The following SEPTIN10 variants were observed in gnomAD, a reference collection of about 807,000 sequenced individuals.
SEPTIN10 encodes septin 10.
In SEPTIN10, 66 loss-of-function variants were observed where a neutral mutation model predicts 54.8. The ratio of observed to expected loss-of-function variants is 1.21; its 90% confidence interval spans 0.99 to 1.48. The LOEUF is 1.48. SEPTIN10 is among the 40% of genes most tolerant of loss of function. The probability of loss-of-function intolerance (pLI) is 0.00; values close to 1 mark genes in which losing one functional copy is unlikely to be tolerated. For missense variants in SEPTIN10, 620 were observed against 545.6 expected (o/e 1.14, Z -1.36); for synonymous variants, 161 against 181.0 (o/e 0.89, Z 0.89).
intron 9 of SEPTIN10, among the ~76,000 whole-genome samples, 193 bp from the exon 10 acceptor site, chr2:109,546,430 TA>T (rs2104556511): frequency 6.6e-6 from 1 of 152,288 alleles, no homozygotes; most frequent in East Asian, 1.9e-4. Flanking sequence ...AACTTTAATT[TA>T]AATGAGTTCC....
intron 2 of SEPTIN10, among the ~76,000 whole-genome samples, chr2:109,591,332 G>GA (rs1187896272): frequency 6.6e-6 from 1 of 152,034 alleles, no homozygotes; most frequent in Non-Finnish European, 1.5e-5. Flanking sequence ...AATGTCACTG[G>GA]AAAAAAGCAT....
At chr2:109,579,142 T>C (rs112381646) in intron 4 of SEPTIN10, among the ~76,000 whole-genome samples, 2,725 of 152,304 alleles carry the variant, frequency 0.018, 75 homozygotes, top group African/African-American at 0.061. Flanking sequence ...AAGAGTACAT[T>C]ATCAATATAT....
intron 1 of SEPTIN10, among the ~76,000 whole-genome samples, chr2:109,611,250 A>C (rs1055876679): frequency 1.3e-5 from 2 of 152,222 alleles, no homozygotes; most frequent in African/African-American, 4.8e-5. Flanking sequence ...AAAATAAGAG[A>C]AAATCTTTGG....
intron 1 of SEPTIN10, among the ~76,000 whole-genome samples, chr2:109,595,842 G>C (rs956625057): frequency 1.3e-5 from 2 of 152,154 alleles, no homozygotes; most frequent in African/African-American, 4.8e-5. Flanking sequence ...CTGGCTAGGG[G>C]CCCTGGTCAG....
At chr2:109,574,478 T>C in intron 5 of SEPTIN10, 103 bp downstream of exon 5, 1 of 624,946 alleles carries the variant, frequency 1.6e-6, no homozygotes, top group Non-Finnish European at 2.3e-6. Flanking sequence ...TTAAAAAAGA[T>C]GCACAGGATA....
intron 8 of SEPTIN10, among the ~76,000 whole-genome samples, chr2:109,559,377 C>T (rs1011158755): frequency 6.6e-6 from 1 of 152,172 alleles, no homozygotes; most frequent in African/African-American, 2.4e-5. Flanking sequence ...CAATAGTGAG[C>T]CACTGCTCCC....
chr2:109,561,453 A>G (rs553608261), intron 8 of SEPTIN10, among the ~76,000 whole-genome samples: 2 of 152,322 alleles, frequency 1.3e-5, no homozygotes, highest in African/African-American at 4.8e-5. Context: ...CTACAAGAAC[A>G]TAAACTCCAT....
At position 109,553,178 on chromosome 2, in the gene SEPTIN10, C is replaced by A. The variant is rs542585892; in HGVS notation, c.1070G>T (p.Gly357Val). The change falls in exon 9 of 11, where the codon GGT becomes GTT. Residue 357 changes from glycine to valine, a missense_variant. Physicochemically the swap from Gly to Val is moderately radical, Grantham distance 109. Coordinates refer to ENST00000397712, the MANE Select transcript of SEPTIN10 (RefSeq NM_144710.5). Reference sequence around the variant, plus strand: ...TTCTTCTTCCTTCCTCTGACGTTCACCATGGAACTCATGTCTTTTGGCTTC... The same window carrying A: ...TTCTTCTTCCTTCCTCTGACGTTCAACATGGAACTCATGTCTTTTGGCTTC... ...TYEAKRHEFH[G>V]ERQRKEEEMK... is the part of the protein sequence containing the mutation. 3 of 1,614,136 alleles carry A rather than the reference C, an allele frequency of 1.9e-6. No individual in the cohort carries two copies. In the African/African-American group the frequency reaches 4.0e-5, roughly 22 times the overall value.
At chr2:109,549,642 G>C (rs1462928180) in intron 9 of SEPTIN10, among the ~76,000 whole-genome samples, 2 of 152,178 alleles carry the variant, frequency 1.3e-5, no homozygotes, top group African/African-American at 4.8e-5. Context: ...TAAGTCATCA[G>C]TATGGTACGA....
At chr2:109,547,445 G>A (rs536968180) in intron 9 of SEPTIN10, among the ~76,000 whole-genome samples, 4 of 142,062 alleles carry the variant, frequency 2.8e-5, no homozygotes, top group South Asian at 2.2e-4. Flanking sequence ...TATTCTTCCC[G>A]TATACAACTG....
intron 1 of SEPTIN10, among the ~76,000 whole-genome samples, chr2:109,610,894 A>T (rs1699118014): frequency 6.6e-6 from 1 of 152,246 alleles, no homozygotes; most frequent in South Asian, 2.1e-4. Flanking sequence ...AGAGAGGCAC[A>T]GAACTAGAAT....
At chr2:109,571,688 G>T (rs1473676392) in intron 5 of SEPTIN10, among the ~76,000 whole-genome samples, 1 of 152,114 alleles carries the variant, frequency 6.6e-6, no homozygotes, top group African/African-American at 2.4e-5. Flanking sequence ...TTTATATAAG[G>T]AATTTCAGCA....
chr2:109,606,138 C>T (rs571816213), intron 1 of SEPTIN10, among the ~76,000 whole-genome samples: 8 of 152,276 alleles, frequency 5.3e-5, no homozygotes, highest in Admixed American at 2.0e-4. Flanking sequence ...TAACACAGGC[C>T]GGGTGCCGTG....
rs968626276 is a variant in SEPTIN10 at position 109,543,147 on chromosome 2, A to C, written c.*1162T>G. On this transcript the variant is annotated 3_prime_UTR_variant, in exon 11 of 11. Transcript: ENST00000397712. Reference sequence around the variant, plus strand: ...AGGCACTGAATGCAAATACCACCTGAAATATGAATTATGTGCATTTTTATA... The same window carrying C: ...AGGCACTGAATGCAAATACCACCTGCAATATGAATTATGTGCATTTTTATA... The C allele has an allele frequency of 2.6e-5, 4 of 152,630 alleles. No individual in the cohort carries two copies. Among genetic ancestry groups the C allele is most frequent in the African/African-American group, 7.2e-5 (3 of 41,462 alleles). The allele number at this position is 152,630 out of a possible 1,614,324, so 9.5% of individuals were successfully genotyped here.
At chr2:109,588,231 T>C (rs1693050095) in intron 2 of SEPTIN10, among the ~76,000 whole-genome samples, 1 of 151,936 alleles carries the variant, frequency 6.6e-6, no homozygotes, top group Admixed American at 6.6e-5. Flanking sequence ...TGGCCCACAG[T>C]ATAAAAAATG....
intron 1 of SEPTIN10, among the ~76,000 whole-genome samples, chr2:109,604,377 G>C: frequency 1.2e-5 from 1 of 85,552 alleles, no homozygotes; most frequent in South Asian, 6.2e-4. Flanking sequence ...GGAAAGAAGG[G>C]AAGGGAAGGG....
chr2:109,547,023 A>C (rs776978492), intron 9 of SEPTIN10, among the ~76,000 whole-genome samples: 9 of 152,162 alleles, frequency 5.9e-5, no homozygotes, highest in Non-Finnish European at 1.3e-4. Flanking sequence ...TAAAGGCAGG[A>C]TACAGATGTA....
intron 2 of SEPTIN10, among the ~76,000 whole-genome samples, chr2:109,590,082 G>A (rs1390644611): frequency 1.4e-5 from 2 of 145,154 alleles, no homozygotes; most frequent in South Asian, 2.2e-4. Context: ...ACATATATAT[G>A]TATATATATA....
At chr2:109,584,912 T>A (rs879855408) in intron 4 of SEPTIN10, among the ~76,000 whole-genome samples, 2 of 152,196 alleles carry the variant, frequency 1.3e-5, no homozygotes, top group Non-Finnish European at 2.9e-5. Context: ...ATAAGGTGAT[T>A]CAAATTATTC....
Sources: gnomAD v4.1 joint callset for allele counts (sites outside exome capture counted in the v4.1 genomes callset) on GRCh38, gnomAD v4.1.1 for gene constraint, MANE v1.5 for transcripts, NCBI Gene and HGNC (gene_info 2026-07-23, HGNC 2026-07-21) for gene names.